The following ARHGAP18 variants were observed in gnomAD, a reference collection of about 807,000 sequenced individuals.
The protein encoded by ARHGAP18 is Rho GTPase activating protein 18.
A neutral mutation model predicts 86.2 loss-of-function variants in ARHGAP18; 67 were observed. The observed-to-expected ratio is 0.78, with a 90% CI of 0.64 to 0.95. ARHGAP18 has a LOEUF of 0.95. Ranked by LOEUF, ARHGAP18 falls within the 40% of genes least tolerant of loss-of-function variation. ARHGAP18 has a pLI of 0.00. For missense variants in ARHGAP18, 691 were observed against 780.4 expected (o/e 0.89, Z 1.37); for synonymous variants, 283 against 280.4 (o/e 1.01, Z -0.09).
At chr6:129,595,052 G>A (rs145744703) in intron 12 of ARHGAP18, among the ~76,000 whole-genome samples, 1 of 152,100 alleles carries the variant, frequency 6.6e-6, no homozygotes, top group African/African-American at 2.4e-5. Context: ...GATAACCTTA[G>A]TAACTTTAAG....
Position 129,600,812 on chromosome 6 carries a change from T to C in ARHGAP18, c.1402A>G (p.Lys468Glu), listed in dbSNP as rs781024902. 1 of 1,613,254 alleles carries C rather than the reference T, an allele frequency of 6.2e-7. No individual in the cohort carries two copies. Among genetic ancestry groups the C allele is most frequent in the East Asian group, 2.2e-5 (1 of 44,834 alleles). Residue 468 changes from lysine to glutamate, a missense_variant, in exon 11 of 15, where the codon AAA (lysine) becomes GAA (glutamate). Transcript: ENST00000368149. ...ATGACTGTCATTTTATTTTTTTCTT[T>C]ATTATCTATTACTCTTTGGAGAAAT... ...LEFLQRVIDN[K>E]EKNKMTVMNV...
At chr6:129,673,392 A>G (rs1774175109) in intron 1 of ARHGAP18, among the ~76,000 whole-genome samples, 1 of 151,980 alleles carries the variant, frequency 6.6e-6, no homozygotes, top group Admixed American at 6.6e-5. Flanking sequence ...TAGCCAAATC[A>G]ATGTCCCAAA....
chr6:129,658,267 T>C (rs919637048), intron 1 of ARHGAP18, among the ~76,000 whole-genome samples: 4 of 152,208 alleles, frequency 2.6e-5, no homozygotes, highest in Non-Finnish European at 5.9e-5. Flanking sequence ...GCCTTGGAAG[T>C]GGCAAGCAAG....
At position 129,685,750 on chromosome 6, in the gene ARHGAP18, CTT is replaced by C. The variant is rs34040911; in HGVS notation, c.113+24272_113+24273del. 6.0e-3 allele frequency among the ~76,000 whole-genome samples: 905 copies of C among 149,918 alleles called. 8 individuals are homozygous for C. Among genetic ancestry groups the C allele is most frequent in the African/African-American group, 0.021 (858 of 40,850 alleles). ...TTCCATATTCAAAAATACAAGGCAG[CTT>C]TTTTTTTTCCTCTCCCACTTCCTCT... is the stretch of plus-strand genomic sequence containing the variant. On this transcript the variant is annotated intron_variant, in intron 1 of 14. Coordinates refer to ENST00000368149, the MANE Select transcript of ARHGAP18 (RefSeq NM_033515.3).
chr6:129,588,121 C>T (rs1327014473), intron 12 of ARHGAP18, among the ~76,000 whole-genome samples: 4 of 142,586 alleles, frequency 2.8e-5, no homozygotes, highest in Admixed American at 7.0e-5. Context: ...GTCACCAAAT[C>T]TTTTTTTTTT....
intron 5 of ARHGAP18, 41 bp from the exon 6 acceptor site, chr6:129,618,893 C>T (rs1270866116): frequency 2.9e-5 from 45 of 1,558,758 alleles, no homozygotes; most frequent in Non-Finnish European, 3.3e-5. Context: ...CTTACAGTAC[C>T]TAACCTCCAT....
chr6:129,609,053 T>TAGGG (rs1160054184), intron 8 of ARHGAP18, among the ~76,000 whole-genome samples: 1 of 98,114 alleles, frequency 1.0e-5, no homozygotes, highest in Non-Finnish European at 1.9e-5. Context: ...GAGTGGGAGA[T>TAGGG]AGGGAGGGAA....
chr6:129,584,477 C>A (rs903805714), intron 12 of ARHGAP18, among the ~76,000 whole-genome samples: 3 of 152,206 alleles, frequency 2.0e-5, no homozygotes, highest in Admixed American at 6.5e-5. Flanking sequence ...TGTGCTACTG[C>A]AGTATGTACA....
chr6:129,620,483 T>TAAAC (rs1201487651), intron 5 of ARHGAP18, among the ~76,000 whole-genome samples: 1 of 152,232 alleles, frequency 6.6e-6, no homozygotes, highest in East Asian at 1.9e-4. Context: ...CTTTTAATAT[T>TAAAC]AAACACATTA....
chr6:129,608,131 C>A, intron 8 of ARHGAP18, 79 bp from the exon 9 acceptor site: 33 of 1,374,498 alleles, frequency 2.4e-5, no homozygotes, highest in Middle Eastern at 2.4e-4. Flanking sequence ...GAGTATGACA[C>A]ATTTTCACTT....
At chr6:129,606,973 C>A (rs1398077983) in intron 9 of ARHGAP18, among the ~76,000 whole-genome samples, 1 of 151,682 alleles carries the variant, frequency 6.6e-6, no homozygotes, top group Non-Finnish European at 1.5e-5. Flanking sequence ...TGATTCTCTG[C>A]CTCAGCCTCC....
intron 1 of ARHGAP18, among the ~76,000 whole-genome samples, chr6:129,673,129 T>C (rs538367705): frequency 1.6e-4 from 25 of 152,352 alleles, no homozygotes; most frequent in Middle Eastern, 6.8e-3. Context: ...TCTTTAAAAA[T>C]ATGCTTCTGC....
intron 1 of ARHGAP18, among the ~76,000 whole-genome samples, chr6:129,706,877 C>T (rs1197724391): frequency 8.9e-6 from 1 of 112,380 alleles, no homozygotes; most frequent in Non-Finnish European, 1.7e-5. Flanking sequence ...CAGAGTAAGA[C>T]TCTGTCTCAA....
In ARHGAP18 at chr6:129,577,939, A is replaced by G. The variant is rs1248883208; in HGVS notation, c.*574T>C. ...AAATGCAAATCACTTCCTGTGATAC[A>G]GCAGGAAAAGGTGGAATGTTATTAT... On this transcript the variant is annotated 3_prime_UTR_variant, in exon 15 of 15. Transcript: ENST00000368149. 1.3e-5 allele frequency: 2 copies of G among 152,258 alleles called. No individual in the cohort carries two copies. Among genetic ancestry groups the G allele is most frequent in the Admixed American group, 1.3e-4 (2 of 15,284 alleles). The allele number at this position is 152,258 out of a possible 1,614,324, so 9.4% of individuals were successfully genotyped here.
chr6:129,603,873 C>T (rs149413788), intron 10 of ARHGAP18, among the ~76,000 whole-genome samples: 10 of 152,294 alleles, frequency 6.6e-5, no homozygotes, highest in Non-Finnish European at 1.5e-4. Flanking sequence ...GCCTCCTAAC[C>T]CTTAGACTTG....
intron 12 of ARHGAP18, among the ~76,000 whole-genome samples, chr6:129,584,402 T>C (rs1788350749): frequency 6.6e-6 from 1 of 152,238 alleles, no homozygotes; most frequent in Admixed American, 6.5e-5. Context: ...TTCTGAGTAT[T>C]ATCTACTAGA....
At chr6:129,594,063 A>G (rs754403132) in intron 12 of ARHGAP18, among the ~76,000 whole-genome samples, 25 of 152,174 alleles carry the variant, frequency 1.6e-4, no homozygotes, top group Non-Finnish European at 3.4e-4. Context: ...CCTCCTGTTC[A>G]GCCTCCCAAG....
chr6:129,593,016 T>C (rs1788547945), intron 12 of ARHGAP18, among the ~76,000 whole-genome samples: 1 of 152,098 alleles, frequency 6.6e-6, no homozygotes, highest in Non-Finnish European at 1.5e-5. Context: ...AATATACATA[T>C]GCATACACAC....
At chr6:129,705,575 A>T (rs1267875621) in intron 1 of ARHGAP18, among the ~76,000 whole-genome samples, 1 of 152,242 alleles carries the variant, frequency 6.6e-6, no homozygotes, top group African/African-American at 2.4e-5. Flanking sequence ...TCATTCTCAA[A>T]TATGTCATTT....
Sources: allele counts gnomAD v4.1 joint callset (sites outside exome capture counted in the v4.1 genomes callset), GRCh38; gene constraint gnomAD v4.1.1; transcripts MANE v1.5; gene names NCBI Gene and HGNC (gene_info 2026-07-23, HGNC 2026-07-21).